The following TIPIN variants were observed in gnomAD, a reference collection of about 807,000 sequenced individuals.
The protein encoded by TIPIN is TIMELESS-interacting protein.
TIPIN carries 29 observed loss-of-function variants against 35.6 expected under a neutral mutation model. The observed-to-expected ratio is 0.82, with a 90% confidence interval of 0.61 to 1.11. The LOEUF is 1.11. Among genes scored for constraint, TIPIN ranks in the 50% most tolerant of loss-of-function variants. The pLI, the probability that TIPIN is intolerant of heterozygous loss-of-function variation, is 0.00. For synonymous variants in TIPIN, 102 were observed against 121.5 expected (o/e 0.84, Z 1.06); for missense variants, 296 against 345.4 (o/e 0.86, Z 1.13).
At chr15:66,353,105 G>GA (rs945000166) in intron 1 of TIPIN, 150 bp from the exon 2 acceptor site, 46 of 685,568 alleles carry the variant, frequency 6.7e-5, no homozygotes, top group African/African-American at 1.8e-4. Flanking sequence ...TACTAATTAT[G>GA]AAAAAAAAGA....
In TIPIN at chr15:66,349,311, T is replaced by A; in HGVS notation, c.411+4A>T. 1 of 1,612,946 alleles carries A rather than the reference T, an allele frequency of 6.2e-7. No homozygotes were observed. On this transcript the variant is annotated splice_donor_region_variant and intron_variant, in intron 5 of 7. Coordinates refer to ENST00000261881, the MANE Select transcript of TIPIN (RefSeq NM_017858.3). ...ATGATATTTATAATCATCTCAACAC[T>A]TACCTGAACTTCCTTTTTACTTCCC...
Position 66,371,384 on chromosome 15 carries a change from C to CTTT in TIPIN, c.-9+15222_-9+15223insAAA, listed in dbSNP as rs1227668093. 3.0e-6 allele frequency: 3 copies of CTTT among 984,292 alleles called. No homozygotes were observed. In the African/African-American group the frequency reaches 5.3e-5, roughly 17 times the overall value. 61.0% of individuals were successfully genotyped at this position (984,292 alleles called of 1,614,324 possible). A position where few individuals can be genotyped will look rare whatever the true frequency, so the allele number is the denominator to read the frequency against. On this transcript the variant is annotated intron_variant, in intron 1 of 7. Coordinates refer to the TIPIN transcript ENST00000562124. ...GTAAGTGTTTTAATGTGAGAAAGGC[C>CTTT]TATATCATTTTTTTCAACCTAAAAA...
In TIPIN at chr15:66,373,394, G is replaced by A. The variant is rs1459944738; in HGVS notation, c.-9+13213C>T. On this transcript the variant is annotated intron_variant, in intron 1 of 7. Transcript: ENST00000562124. ...TGTAGTCCCAGCTACTCGGGAGGCCGAGGCAGCAGAATGGCATGAACCCGG... is the reference window on the plus strand; with the variant it reads ...TGTAGTCCCAGCTACTCGGGAGGCCAAGGCAGCAGAATGGCATGAACCCGG... Among the ~76,000 whole-genome samples, 5 of 151,884 alleles carry A rather than the reference G, an allele frequency of 3.3e-5. No homozygotes were observed. In the South Asian group the frequency reaches 8.3e-4, roughly 25 times the overall value.
intron 1 of TIPIN, among the ~76,000 whole-genome samples, chr15:66,372,132 A>G (rs980636309): frequency 6.6e-6 from 1 of 152,106 alleles, no homozygotes; most frequent in Non-Finnish European, 1.5e-5. Flanking sequence ...ACAGACAGAA[A>G]AGTACACAAG....
intron 7 of TIPIN, 148 bp from the exon 8 acceptor site, chr15:66,337,329 T>TA (rs200782275): frequency 0.026 from 5,415 of 205,064 alleles, 64 homozygotes; most frequent in Non-Finnish European, 0.033. Flanking sequence ...TAAATATATC[T>TA]TTTTTTTTTT....
chr15:66,379,565 G>T (rs2093310357), intron 1 of TIPIN: 3 of 1,611,322 alleles, frequency 1.9e-6, no homozygotes, highest in African/African-American at 1.3e-5. Context: ...TTTCACCCAA[G>T]AAATTTCGGA....
intron 4 of TIPIN, among the ~76,000 whole-genome samples, chr15:66,349,710 A>G (rs1307154890): frequency 6.6e-6 from 1 of 151,940 alleles, no homozygotes; most frequent in East Asian, 1.9e-4. Context: ...GAGACCCCAT[A>G]TCTACTAAAA....
chr15:66,361,258 AT>A (rs377249055), upstream of TIPIN, among the ~76,000 whole-genome samples: 29,531 of 140,362 alleles, frequency 0.21, 2,803 homozygotes, highest in South Asian at 0.32. Flanking sequence ...TTCTATTGTA[AT>A]TTTTTTTTTT....
chr15:66,368,647 A>G (rs1434111539), intron 1 of TIPIN, among the ~76,000 whole-genome samples: 1 of 152,194 alleles, frequency 6.6e-6, no homozygotes, highest in African/African-American at 2.4e-5. Context: ...GGATTATGAT[A>G]TATCCAAATA....
intron 4 of TIPIN, among the ~76,000 whole-genome samples, 171 bp downstream of exon 4, chr15:66,351,354 T>C (rs1048654410): frequency 5.9e-5 from 9 of 152,216 alleles, no homozygotes; most frequent in Admixed American, 2.0e-4. Flanking sequence ...CAAGACATGC[T>C]TTCTAATTCT....
At chr15:66,366,846 C>T (rs12912375) in intron 1 of TIPIN, 140,016 of 984,012 alleles carry the variant, frequency 0.14, 10,155 homozygotes, top group Non-Finnish European at 0.15. Context: ...CTATGTGTGT[C>T]CAAAATGCAG....
intron 1 of TIPIN, among the ~76,000 whole-genome samples, chr15:66,355,463 GC>G (rs1223346300): frequency 2.0e-5 from 3 of 151,782 alleles, no homozygotes; most frequent in Non-Finnish European, 4.4e-5. Flanking sequence ...TAAAAGCAAA[GC>G]ATCGGCTGGG....
chr15:66,367,143 G>C (rs1484464307), intron 1 of TIPIN, among the ~76,000 whole-genome samples: 1 of 149,942 alleles, frequency 6.7e-6, no homozygotes, highest in Non-Finnish European at 1.5e-5. Flanking sequence ...TCGCGCCACT[G>C]CACTCCAGCC....
rs886414793 is a variant in TIPIN at position 66,374,479 on chromosome 15, C to T, written c.-9+12128G>A. ...AGGCTGGAGGCAGTGGCTTGATCTT[C>T]GCTCACTGCAACCTCTGCTTCCCAG... On this transcript the variant is annotated intron_variant, in intron 1 of 7. Coordinates refer to the TIPIN transcript ENST00000562124. Among the ~76,000 whole-genome samples the T allele has an allele frequency of 2.5e-4, 38 of 152,130 alleles. 2 individuals are homozygous for T. The highest frequency in any genetic ancestry group is 3.4e-4 in the African/African-American group (14 of 41,442).
chr15:66,364,400 G>C (rs894254226), intron 1 of TIPIN, among the ~76,000 whole-genome samples: 1 of 151,564 alleles, frequency 6.6e-6, no homozygotes, highest in Non-Finnish European at 1.5e-5. Context: ...TCCTGACCTC[G>C]TGATCTGCCC....
At chr15:66,372,320 AAAT>A (rs1428747500) in intron 1 of TIPIN, among the ~76,000 whole-genome samples, 1 of 152,206 alleles carries the variant, frequency 6.6e-6, no homozygotes, top group East Asian at 1.9e-4. Context: ...TGAAAGAAAA[AAAT>A]AATATTACTT....
chr15:66,360,330 G>C (rs1159163479), upstream of TIPIN, among the ~76,000 whole-genome samples: 1 of 152,114 alleles, frequency 6.6e-6, no homozygotes, highest in Non-Finnish European at 1.5e-5. Context: ...TTTTGGCCGG[G>C]CATAGTGGCT....
At chr15:66,366,931 C>T in intron 1 of TIPIN, 1 of 983,042 alleles carries the variant, frequency 1.0e-6, no homozygotes. Context: ...CCTGTAATCC[C>T]ACCACTTTGG....
At chr15:66,352,977 A>G (rs1482794956) in intron 1 of TIPIN, 22 bp from the exon 2 acceptor site, 26 of 1,602,668 alleles carry the variant, frequency 1.6e-5, no homozygotes, top group Non-Finnish European at 2.1e-5. Flanking sequence ...AATTAAAGTT[A>G]TTTGTATTCA....
Sources: allele counts gnomAD v4.1 joint callset (sites outside exome capture counted in the v4.1 genomes callset), GRCh38; gene constraint gnomAD v4.1.1; transcripts MANE v1.5; gene names NCBI Gene and HGNC (gene_info 2026-07-23, HGNC 2026-07-21).